RNF216: variants seen among roughly 807,000 people sequenced by gnomAD.
The protein encoded by RNF216 is E3 ubiquitin-protein ligase RNF216.
In RNF216, 72 loss-of-function variants were observed where a neutral mutation model predicts 110.8. The observed-to-expected ratio is 0.65, with a 90% CI of 0.54 to 0.79. The LOEUF (loss-of-function observed/expected upper bound fraction) is 0.79, where lower values mean the gene tolerates loss of function less well. Among genes scored for constraint, RNF216 ranks in the 30% least tolerant of loss-of-function variants. The pLI, the probability that RNF216 is intolerant of heterozygous loss-of-function variation, is 0.00. For missense variants in RNF216, 1,342 were observed against 1,141.2 expected, an observed-to-expected ratio of 1.18 and a Z score of -2.54; for synonymous variants, 495 against 407.5, an observed-to-expected ratio of 1.21 and a Z score of -2.59.
At chr7:5,715,239 G>A (rs1202921889) in intron 10 of RNF216, 49 bp from the exon 11 acceptor site, 16 of 1,576,432 alleles carry the variant, frequency 1.0e-5, no homozygotes, top group Non-Finnish European at 1.2e-5. Flanking sequence ...CTTAAGGAGA[G>A]GGGGAGCCTT....
chr7:5,643,476 C>T (rs964355120), intron 14 of RNF216, among the ~76,000 whole-genome samples: 2 of 151,908 alleles, frequency 1.3e-5, no homozygotes, highest in Non-Finnish European at 2.9e-5. Context: ...TGCGCTCACA[C>T]AGGAAGGCTC....
At chr7:5,684,975 T>C (rs893052791) in intron 13 of RNF216, among the ~76,000 whole-genome samples, 2 of 152,012 alleles carry the variant, frequency 1.3e-5, no homozygotes, top group African/African-American at 4.8e-5. Context: ...GCAGGGGGTA[T>C]CAGATTTGAG....
intron 13 of RNF216, among the ~76,000 whole-genome samples, chr7:5,677,970 C>A (rs888991032): frequency 6.6e-6 from 1 of 152,170 alleles, no homozygotes; most frequent in African/African-American, 2.4e-5. Context: ...AGTAAGACCA[C>A]AGTGATCTTT....
intron 14 of RNF216, among the ~76,000 whole-genome samples, chr7:5,648,168 G>A (rs1407314794): frequency 4.0e-5 from 6 of 151,444 alleles, no homozygotes; most frequent in Middle Eastern, 3.2e-3. Context: ...GTGCAATGGC[G>A]TGATCTCGGC....
chr7:5,711,430 C>A (rs1309810254), intron 13 of RNF216, among the ~76,000 whole-genome samples: 1 of 152,138 alleles, frequency 6.6e-6, no homozygotes, highest in African/African-American at 2.4e-5. Flanking sequence ...TATTTGAGCA[C>A]AGGTGGTGAA....
intron 1 of RNF216, among the ~76,000 whole-genome samples, chr7:5,775,878 A>C (rs1006125371): frequency 5.3e-5 from 8 of 152,058 alleles, no homozygotes; most frequent in African/African-American, 1.9e-4. Flanking sequence ...CAAAAAAAAA[A>C]AGAAAAAGTG....
At chr7:5,670,797 AG>A (rs1789856898) in intron 13 of RNF216, among the ~76,000 whole-genome samples, 1 of 152,180 alleles carries the variant, frequency 6.6e-6, no homozygotes, top group Non-Finnish European at 1.5e-5. Flanking sequence ...CCAAATTCTC[AG>A]TTCCAGTTAT....
chr7:5,781,278 T>C (rs931417996), intron 1 of RNF216, among the ~76,000 whole-genome samples: 1 of 152,048 alleles, frequency 6.6e-6, no homozygotes, highest in African/African-American at 2.4e-5. Context: ...CCGCGAAACT[T>C]CGCGAAGTGG....
intron 11 of RNF216, among the ~76,000 whole-genome samples, chr7:5,713,701 G>C (rs1488324943): frequency 6.6e-6 from 1 of 152,134 alleles, no homozygotes; most frequent in Non-Finnish European, 1.5e-5. Flanking sequence ...TCAGACATGA[G>C]GAATGCTTCC....
chr7:5,776,891 ACT>A (rs1426109513), intron 1 of RNF216, among the ~76,000 whole-genome samples: 3 of 109,444 alleles, frequency 2.7e-5, no homozygotes, highest in African/African-American at 6.6e-5. Flanking sequence ...ACAGAGGGAG[ACT>A]CTGTCCAAAA....
chr7:5,648,814 G>A (rs572192329), intron 14 of RNF216, among the ~76,000 whole-genome samples: 12 of 151,942 alleles, frequency 7.9e-5, no homozygotes, highest in African/African-American at 2.9e-4. Flanking sequence ...GCCAACTCTA[G>A]AAGACATTCT....
Position 5,647,119 on chromosome 7 carries a change from G to GA in RNF216, c.2159+5293dup, listed in dbSNP as rs113731456. 5.8e-3 allele frequency among the ~76,000 whole-genome samples: 830 copies of GA among 143,798 alleles called. 8 individuals are homozygous for GA. Among genetic ancestry groups the GA allele is most frequent in the African/African-American group, 0.015 (600 of 39,398 alleles). 94.3% of individuals were successfully genotyped at this position (143,798 alleles called of 152,430 possible). ...CAGCCCTGAGGAAGTTGTGAAAGGT[G>GA]AAAAAAAAAAAGGGAAAAAGTTGCC... On this transcript the variant is annotated intron_variant, in intron 14 of 16. Transcript: ENST00000389902.
chr7:5,620,138 C>G lies in RNF216; in HGVS notation c.*2722G>C, dbSNP rs1786262170. ...AGTAGTTGAAACGGAATTATTTTAT[C>G]TATTTTTACTACCAGAAGGTAAAGA... On this transcript the variant is annotated 3_prime_UTR_variant, in exon 17 of 17. Coordinates refer to ENST00000389902, the MANE Select transcript of RNF216 (RefSeq NM_207111.4). The G allele has an allele frequency of 1.3e-5, 2 of 152,252 alleles. No individual in the cohort carries two copies. 9.4% of individuals were successfully genotyped at this position (152,252 alleles called of 1,614,324 possible). A position where few individuals can be genotyped will look rare whatever the true frequency, so the allele number is the denominator to read the frequency against.
chr7:5,700,400 T>C (rs1791889232), intron 13 of RNF216, among the ~76,000 whole-genome samples: 1 of 152,228 alleles, frequency 6.6e-6, no homozygotes. Context: ...TTTGTAGGTA[T>C]CAATTCTTGA....
intron 13 of RNF216, among the ~76,000 whole-genome samples, chr7:5,672,967 G>A (rs1056218692): frequency 6.6e-6 from 1 of 152,174 alleles, no homozygotes; most frequent in Non-Finnish European, 1.5e-5. Context: ...AGATGTCCTG[G>A]CTACAGCTCA....
At chr7:5,686,716 G>A (rs1054472537) in intron 13 of RNF216, among the ~76,000 whole-genome samples, 1 of 152,216 alleles carries the variant, frequency 6.6e-6, no homozygotes, top group Non-Finnish European at 1.5e-5. Context: ...ATTACCTACA[G>A]AAGATCTTAA....
At chr7:5,645,342 C>T (rs1201459510) in intron 14 of RNF216, among the ~76,000 whole-genome samples, 1 of 152,150 alleles carries the variant, frequency 6.6e-6, no homozygotes, top group Non-Finnish European at 1.5e-5. Flanking sequence ...TTGCTCTCTG[C>T]TCTTCTTTGG....
chr7:5,749,053 A>C (rs1795196676), intron 3 of RNF216, among the ~76,000 whole-genome samples: 1 of 152,130 alleles, frequency 6.6e-6, no homozygotes, highest in Non-Finnish European at 1.5e-5. Flanking sequence ...AACAGGACCT[A>C]ACTCCAATGC....
At chr7:5,744,701 G>C (rs1395480349) in intron 3 of RNF216, among the ~76,000 whole-genome samples, 2 of 152,276 alleles carry the variant, frequency 1.3e-5, no homozygotes, top group East Asian at 3.9e-4. Context: ...GCTAGGCACG[G>C]TTGGCTTATG....
Sources: gnomAD v4.1 joint callset for allele counts (sites outside exome capture counted in the v4.1 genomes callset) on GRCh38, gnomAD v4.1.1 for gene constraint, MANE v1.5 for transcripts, NCBI Gene and HGNC (gene_info 2026-07-23, HGNC 2026-07-21) for gene names.